Variants in ABCB11 observed in about 807,000 individuals in gnomAD.
ABCB11 encodes bile salt export pump.
A neutral mutation model predicts 148.0 loss-of-function variants in ABCB11; 95 were observed. That is an observed-to-expected ratio of 0.64 (90% confidence interval 0.54 to 0.76). The LOEUF is 0.76. Among genes scored for constraint, ABCB11 ranks in the 30% least tolerant of loss-of-function variants. The pLI, the probability that ABCB11 is intolerant of heterozygous loss-of-function variation, is 0.00. For missense variants in ABCB11, 1,523 were observed against 1,617.8 expected (o/e 0.94, Z 1.01); for synonymous variants, 591 against 555.4 (o/e 1.06, Z -0.90).
intron 5 of ABCB11, among the ~76,000 whole-genome samples, chr2:168,998,425 A>G (rs1694780853): frequency 6.6e-6 from 1 of 152,044 alleles, no homozygotes; most frequent in African/African-American, 2.4e-5. Context: ...TGACTATTTC[A>G]AAAGAGCTAG....
intron 5 of ABCB11, among the ~76,000 whole-genome samples, chr2:169,012,038 T>C (rs944302349): frequency 5.9e-5 from 9 of 152,100 alleles, no homozygotes; most frequent in African/African-American, 2.2e-4. Flanking sequence ...TTTAAAAAAA[T>C]TTTGGTTGAA....
intron 10 of ABCB11, 59 bp from the exon 11 acceptor site, chr2:168,980,038 C>T (rs1694083697): frequency 3.0e-6 from 3 of 1,006,758 alleles, no homozygotes; most frequent in South Asian, 2.7e-5. Flanking sequence ...ATAGTAATTA[C>T]TATCATTTGG....
intron 21 of ABCB11, among the ~76,000 whole-genome samples, chr2:168,937,860 G>C (rs1392343456): frequency 1.3e-5 from 2 of 152,208 alleles, no homozygotes; most frequent in Non-Finnish European, 2.9e-5. Context: ...TATAGATGGA[G>C]AATGGACCAC....
At chr2:169,007,152 G>C (rs1695043010) in intron 5 of ABCB11, among the ~76,000 whole-genome samples, 1 of 152,166 alleles carries the variant, frequency 6.6e-6, no homozygotes, top group African/African-American at 2.4e-5. Context: ...CATAAAGATA[G>C]ATGTGTAGGT....
Position 168,922,105 on chromosome 2 carries a change from TCC to T in ABCB11, c.*1515_*1516del, listed in dbSNP as rs1219228350. ...ACCTCATGATCCGCCCGCCTTGGCC[TCC>T]CAAAGTGCTGGGATTACAGGAGTGA... On this transcript the variant is annotated 3_prime_UTR_variant, in exon 28 of 28. Transcript: ENST00000650372. 6.6e-6 allele frequency among the ~76,000 whole-genome samples: 1 copy of T among 152,128 alleles called. No homozygotes were observed. Among genetic ancestry groups the T allele is most frequent in the Non-Finnish European group, 1.5e-5 (1 of 68,006 alleles).
intron 19 of ABCB11, among the ~76,000 whole-genome samples, chr2:168,950,148 C>T (rs1258399028): frequency 1.6e-3 from 234 of 148,642 alleles, no homozygotes; most frequent in South Asian, 6.6e-3. Context: ...TATACACACA[C>T]ACACACACAC....
At position 168,923,520 on chromosome 2, in the gene ABCB11, G is replaced by GA; in HGVS notation, c.*101dup. On this transcript the variant is annotated 3_prime_UTR_variant, in exon 28 of 28. Transcript: ENST00000650372. ...TAAAATATTAACATTCTTCTTTAAA[G>GA]AAAAAACAATCCCAGCAATCCCTCC... 1 of 1,070,654 alleles carries GA rather than the reference G, an allele frequency of 9.3e-7. No individual in the cohort carries two copies. The highest frequency in any genetic ancestry group is 1.4e-6 in the Non-Finnish European group (1 of 732,038). The allele number at this position is 1,070,654 out of a possible 1,614,324, so 66.3% of individuals were successfully genotyped here. A position where few individuals can be genotyped will look rare whatever the true frequency, so the allele number is the denominator to read the frequency against.
intron 3 of ABCB11, among the ~76,000 whole-genome samples, chr2:169,014,566 C>T (rs1275057719): frequency 6.6e-6 from 1 of 152,132 alleles, no homozygotes; most frequent in African/African-American, 2.4e-5. Flanking sequence ...CTCAGGTTCA[C>T]TAGCGATTCA....
intron 27 of ABCB11, 28 bp downstream of exon 27, chr2:168,924,629 T>C (rs772437765): frequency 6.2e-7 from 1 of 1,612,098 alleles, no homozygotes; most frequent in Non-Finnish European, 8.5e-7. Context: ...TTTGTAATGA[T>C]CTAAGACTTT....
Position 168,979,875 on chromosome 2 carries a change from T to C in ABCB11, c.1188A>G (p.Thr396=), listed in dbSNP as rs1241521429. The change falls in exon 11 of 28, where the codon ACA becomes ACG. Residue 396 remains threonine, a synonymous_variant. Coordinates refer to ENST00000650372, the MANE Select transcript of ABCB11 (RefSeq NM_003742.4). ...TTTGGCTTATACATACCCTGTCTAT[T>C]GTCTCAAAAATGCTGGTGGCTGCTG... The part of the protein sequence containing the change: ...GRAAATSIFE[T]IDRKPIIDCM... 1.1e-5 allele frequency: 18 copies of C among 1,607,522 alleles called. No individual in the cohort carries two copies. Among genetic ancestry groups the C allele is most frequent in the Non-Finnish European group, 1.4e-5 (17 of 1,175,546 alleles).
chr2:169,025,302 G>C (rs1183343452), intron 1 of ABCB11, among the ~76,000 whole-genome samples: 1 of 152,074 alleles, frequency 6.6e-6, no homozygotes, highest in Non-Finnish European at 1.5e-5. Context: ...CTACGTAGTT[G>C]GATTTATTTT....
Position 168,974,657 on chromosome 2 carries a change from G to A in ABCB11, c.1309-817C>T, listed in dbSNP as rs72623174. On this transcript the variant is annotated intron_variant, in intron 12 of 27. Transcript: ENST00000650372. ...ACCAGTACAATGTGGCACACAGAGG[G>A]TTAAAAACATACTCGTACTATGAAT... Among the ~76,000 whole-genome samples the A allele has an allele frequency of 0.015, 2,258 of 151,954 alleles. 242 individuals carry two copies. In the East Asian group the frequency reaches 0.3, roughly 20 times the overall value.
chr2:169,009,214 C>G (rs1015760833), intron 5 of ABCB11, among the ~76,000 whole-genome samples: 2 of 152,106 alleles, frequency 1.3e-5, no homozygotes, highest in African/African-American at 4.8e-5. Context: ...TTGACCCAGC[C>G]ATCCCATTAC....
At chr2:168,940,191 G>A (rs1433529522) in intron 21 of ABCB11, among the ~76,000 whole-genome samples, 1 of 152,056 alleles carries the variant, frequency 6.6e-6, no homozygotes, top group Non-Finnish European at 1.5e-5. Context: ...GCTCAGTGAG[G>A]AAGGTGTGTT....
chr2:169,012,130 G>C (rs970782652), intron 5 of ABCB11, among the ~76,000 whole-genome samples: 1 of 152,142 alleles, frequency 6.6e-6, no homozygotes, highest in African/African-American at 2.4e-5. Flanking sequence ...TCATAGTCTG[G>C]AATCAAGCCT....
chr2:168,927,309 G>A lies in ABCB11; in HGVS notation c.3465C>T (p.Asn1155=), dbSNP rs1691361539. Reference sequence around the variant, plus strand: ...CTGGTTCCTGGGAAACAATTCCAATGTTTGAGCGGAGGAACTGGACATTTA... The same window carrying A: ...CTGGTTCCTGGGAAACAATTCCAATATTTGAGCGGAGGAACTGGACATTTA... ...KKVNVQFLRS[N]IGIVSQEPVL... is the part of the protein sequence containing the mutation. The change falls in exon 26 of 28, where the codon AAC becomes AAT. Residue 1155 remains asparagine (N), a synonymous_variant. Coordinates refer to ENST00000650372, the MANE Select transcript of ABCB11 (RefSeq NM_003742.4). 2 of 1,613,778 alleles carry A rather than the reference G, an allele frequency of 1.2e-6. No individual in the cohort carries two copies. The highest frequency in any genetic ancestry group is 1.3e-5 in the African/African-American group (1 of 74,914).
intron 9 of ABCB11, among the ~76,000 whole-genome samples, chr2:168,988,768 C>T (rs1694415340): frequency 2.6e-5 from 4 of 152,088 alleles, no homozygotes; most frequent in Admixed American, 2.6e-4. Flanking sequence ...ATATGCTTGC[C>T]AACACTTGAT....
intron 1 of ABCB11, among the ~76,000 whole-genome samples, chr2:169,027,364 A>C (rs1160990819): frequency 2.6e-5 from 4 of 152,220 alleles, no homozygotes; most frequent in Non-Finnish European, 5.9e-5. Context: ...CTCTCTGCTA[A>C]GTGACATGTG....
chr2:168,944,511 A>G (rs767098559), intron 21 of ABCB11, 94 bp downstream of exon 21: 6 of 1,367,580 alleles, frequency 4.4e-6, no homozygotes, highest in South Asian at 2.9e-5. Flanking sequence ...ACTGGTCCCT[A>G]TTCCATAGAA....
Sources: allele counts gnomAD v4.1 joint callset (sites outside exome capture counted in the v4.1 genomes callset), GRCh38; gene constraint gnomAD v4.1.1; transcripts MANE v1.5; gene names NCBI Gene and HGNC (gene_info 2026-07-23, HGNC 2026-07-21).